The following UNC5D variants were observed in gnomAD, a reference collection of about 807,000 sequenced individuals.
The protein encoded by UNC5D is unc-5 netrin receptor D, also known as netrin receptor UNC5D.
UNC5D carries 39 observed loss-of-function variants against 105.4 expected under a neutral mutation model. The observed-to-expected ratio is 0.37, with a 90% CI of 0.29 to 0.48. The LOEUF (loss-of-function observed/expected upper bound fraction) is 0.48. UNC5D is among the 20% of genes least tolerant of loss of function. The pLI, the probability that UNC5D is intolerant of heterozygous loss-of-function variation, is 0.98. For synonymous variants in UNC5D, 452 were observed against 450.4 expected, an observed-to-expected ratio of 1.00 and a Z score of -0.04; for missense variants, 991 against 1,202.4, an observed-to-expected ratio of 0.82 and a Z score of 2.60.
Position 35,549,317 on chromosome 8 carries a change from C to T in UNC5D, c.129C>T (p.Pro43=), listed in dbSNP as rs1308108475. The T allele has an allele frequency of 9.9e-6, 16 of 1,613,162 alleles. No individual in the cohort carries two copies. The highest frequency in any genetic ancestry group is 1.1e-5 in the Non-Finnish European group (13 of 1,180,044). ...GAACTGACAATGGCGAAGCCCTTCC[C>T]GAATCCATCCCATCAGCTCCTGGGA... ...ARGTDNGEAL[P]ESIPSAPGTL... is the part of the protein sequence containing the mutation. The change falls in exon 2 of 17, where the codon CCC becomes CCT. Residue 43 remains proline, a synonymous_variant. Transcript: ENST00000404895.
At chr8:35,240,355 C>T (rs1802728561) in intron 1 of UNC5D, among the ~76,000 whole-genome samples, 1 of 152,096 alleles carries the variant, frequency 6.6e-6, no homozygotes, top group African/African-American at 2.4e-5. Flanking sequence ...AAATACATTT[C>T]TGCAACTTTG....
chr8:35,630,367 C>T (rs535007952), intron 4 of UNC5D, among the ~76,000 whole-genome samples: 2 of 152,302 alleles, frequency 1.3e-5, no homozygotes, highest in African/African-American at 4.8e-5. Flanking sequence ...TTCTAAGCAG[C>T]CCTGATCTCA....
intron 2 of UNC5D, among the ~76,000 whole-genome samples, chr8:35,556,095 C>T (rs565457119): frequency 1.4e-3 from 220 of 152,188 alleles, no homozygotes; most frequent in African/African-American, 5.0e-3. Context: ...TAATTGCATC[C>T]ACAATCACAT....
At chr8:35,565,205 A>G (rs1378095609) in intron 2 of UNC5D, among the ~76,000 whole-genome samples, 2 of 152,158 alleles carry the variant, frequency 1.3e-5, no homozygotes, top group East Asian at 3.9e-4. Context: ...TACGCTTACA[A>G]TAGTGTGTAA....
chr8:35,680,025 G>A (rs749052073), intron 4 of UNC5D, among the ~76,000 whole-genome samples: 13 of 152,176 alleles, frequency 8.5e-5, no homozygotes, highest in Non-Finnish European at 1.5e-4. Context: ...GAAGCCACCA[G>A]TTTCCCTTCT....
chr8:35,617,407 T>G (rs2131011144), intron 4 of UNC5D, among the ~76,000 whole-genome samples: 1 of 152,324 alleles, frequency 6.6e-6, no homozygotes, highest in South Asian at 2.1e-4. Context: ...CTACGTGTAC[T>G]TTTGAAATAC....
intron 1 of UNC5D, among the ~76,000 whole-genome samples, chr8:35,236,723 T>A (rs1369530842): frequency 6.6e-6 from 1 of 152,222 alleles, no homozygotes; most frequent in Non-Finnish European, 1.5e-5. Flanking sequence ...CAGCATCAAG[T>A]TAAAGATAAA....
intron 1 of UNC5D, among the ~76,000 whole-genome samples, chr8:35,247,596 TA>T (rs1803211244): frequency 9.9e-6 from 1 of 101,144 alleles, no homozygotes; most frequent in Non-Finnish European, 1.8e-5. Flanking sequence ...AAAATATATA[TA>T]ATATATAAAT....
intron 4 of UNC5D, among the ~76,000 whole-genome samples, chr8:35,614,492 C>G (rs1206007957): frequency 6.6e-6 from 1 of 151,830 alleles, no homozygotes; most frequent in Non-Finnish European, 1.5e-5. Flanking sequence ...TTTGAGGAGA[C>G]TGACAATGAG....
chr8:35,769,730 C>A (rs769311420), intron 15 of UNC5D, among the ~76,000 whole-genome samples: 1 of 152,018 alleles, frequency 6.6e-6, no homozygotes. Context: ...TTTGGGAGGG[C>A]GAGGTAGGCG....
chr8:35,743,968 T>C (rs564430657), intron 11 of UNC5D, among the ~76,000 whole-genome samples: 1 of 152,366 alleles, frequency 6.6e-6, no homozygotes, highest in South Asian at 2.1e-4. Context: ...ACTTGTTATC[T>C]GAATAATGTC....
intron 1 of UNC5D, among the ~76,000 whole-genome samples, chr8:35,504,840 C>G (rs1812203997): frequency 6.6e-6 from 1 of 152,110 alleles, no homozygotes; most frequent in Admixed American, 6.5e-5. Flanking sequence ...CATGGTGAAA[C>G]AGAATCCACC....
chr8:35,552,681 G>T (rs1310371136), intron 2 of UNC5D, among the ~76,000 whole-genome samples: 2 of 152,158 alleles, frequency 1.3e-5, no homozygotes, highest in Non-Finnish European at 2.9e-5. Flanking sequence ...ATTTCGATGG[G>T]GAAAGTAGAG....
rs1811312683 is a variant in UNC5D at position 35,493,039 on chromosome 8, C to T, written c.104-56253C>T. Among the ~76,000 whole-genome samples the T allele has an allele frequency of 1.3e-5, 2 of 151,968 alleles. 1 individual carries two copies. The highest frequency in any genetic ancestry group is 4.1e-4 in the South Asian group (2 of 4,822). ...TTGCATTTCTTTTGGAGGAAGTTTT[C>T]CTCAGTTCGACAAGGAAACTTGCAG... On this transcript the variant is annotated intron_variant, in intron 1 of 16. Transcript: ENST00000404895.
At chr8:35,469,541 T>C (rs562779493) in intron 1 of UNC5D, among the ~76,000 whole-genome samples, 4 of 152,320 alleles carry the variant, frequency 2.6e-5, no homozygotes, top group Admixed American at 2.6e-4. Context: ...TTAATAACTT[T>C]CTTTGCTTTG....
At chr8:35,434,121 A>T (rs1806839028) in intron 1 of UNC5D, among the ~76,000 whole-genome samples, 1 of 152,102 alleles carries the variant, frequency 6.6e-6, no homozygotes, top group Non-Finnish European at 1.5e-5. Flanking sequence ...TTGATTTAGG[A>T]AAGTATGAAT....
At chr8:35,716,875 TA>T (rs1292196862) in intron 8 of UNC5D, among the ~76,000 whole-genome samples, 3 of 152,214 alleles carry the variant, frequency 2.0e-5, no homozygotes, top group Admixed American at 6.5e-5. Flanking sequence ...ACAACATATA[TA>T]AACAACTTTA....
At chr8:35,703,194 T>G (rs1300165791) in intron 7 of UNC5D, among the ~76,000 whole-genome samples, 1 of 152,108 alleles carries the variant, frequency 6.6e-6, no homozygotes, top group Non-Finnish European at 1.5e-5. Flanking sequence ...CATTTTTTTT[T>G]TTTTACTCTG....
At chr8:35,766,843 G>A in intron 14 of UNC5D, 59 bp from the exon 15 acceptor site, 2 of 1,546,952 alleles carry the variant, frequency 1.3e-6, no homozygotes, top group Non-Finnish European at 8.7e-7. Flanking sequence ...AGTCTCTCCT[G>A]TTCTAGTTCA....
Sources: allele counts gnomAD v4.1 joint callset (sites outside exome capture counted in the v4.1 genomes callset), GRCh38; gene constraint gnomAD v4.1.1; transcripts MANE v1.5; gene names NCBI Gene and HGNC (gene_info 2026-07-23, HGNC 2026-07-21).